BMP5: variants seen among roughly 807,000 people sequenced by gnomAD.
BMP5 encodes bone morphogenetic protein 5.
A neutral mutation model predicts 46.6 loss-of-function variants in BMP5; 23 were observed. The observed-to-expected ratio is 0.49, with a 90% CI of 0.35 to 0.70. The LOEUF (loss-of-function observed/expected upper bound fraction) is 0.70, where lower values mean the gene tolerates loss of function less well. Ranked by LOEUF, BMP5 falls within the 30% of genes least tolerant of loss-of-function variation. The pLI, the probability that BMP5 is intolerant of heterozygous loss-of-function variation, is 0.00. For synonymous variants in BMP5, 204 were observed against 191.9 expected (o/e 1.06, Z -0.52); for missense variants, 545 against 565.6 (o/e 0.96, Z 0.37).
intron 1 of BMP5, among the ~76,000 whole-genome samples, chr6:55,828,937 T>A (rs895674555): frequency 4.0e-5 from 6 of 151,838 alleles, no homozygotes; most frequent in Non-Finnish European, 7.4e-5. Flanking sequence ...AAACTATGAA[T>A]TTTTCTGCCA....
chr6:55,841,245 G>A (rs891955683), intron 1 of BMP5, among the ~76,000 whole-genome samples: 3 of 152,064 alleles, frequency 2.0e-5, no homozygotes. Context: ...AGATCATTAG[G>A]TTGATGTTGA....
intron 3 of BMP5, among the ~76,000 whole-genome samples, chr6:55,786,460 C>T (rs1022490395): frequency 7.9e-5 from 12 of 151,532 alleles, no homozygotes; most frequent in Admixed American, 7.2e-4. Flanking sequence ...AGGCCATTGG[C>T]TTCCATTATT....
At chr6:55,807,014 A>C (rs1434207269) in intron 2 of BMP5, among the ~76,000 whole-genome samples, 1 of 152,186 alleles carries the variant, frequency 6.6e-6, no homozygotes, top group Admixed American at 6.5e-5. Flanking sequence ...GCCATCTGCA[A>C]ACAGAGACAA....
intron 1 of BMP5, among the ~76,000 whole-genome samples, chr6:55,825,855 T>A (rs1357159360): frequency 6.6e-6 from 1 of 151,858 alleles, no homozygotes; most frequent in Non-Finnish European, 1.5e-5. Flanking sequence ...CAGCAGTAGC[T>A]GTAAGGCAAA....
At chr6:55,793,288 C>T (rs548185052) in intron 3 of BMP5, among the ~76,000 whole-genome samples, 2 of 152,276 alleles carry the variant, frequency 1.3e-5, no homozygotes, top group South Asian at 4.1e-4. Flanking sequence ...CCAACTTCTT[C>T]CCCTAATCAC....
At chr6:55,759,171 A>AAAAAAAAAAAAAAAAAAAAAAAAAAAC in intron 5 of BMP5, 56 bp from the exon 6 acceptor site, 2 of 829,904 alleles carry the variant, frequency 2.4e-6, no homozygotes, top group South Asian at 3.3e-5. Flanking sequence ...AAAAAAAAAA[A>AAAAAAAAAAAAAAAAAAAAAAAAAAAC]AAAAAAAAAA....
Position 55,759,069 on chromosome 6 carries a change from C to T in BMP5, c.1151G>A (p.Gly384Glu). ...GGCGTTAAGTGGAAAAGAACATTCTCCATCACAATAAAATGCAGCGTATCC... is the reference window on the plus strand; with the variant it reads ...GGCGTTAAGTGGAAAAGAACATTCTTCATCACAATAAAATGCAGCGTATCC... ...PEGYAAFYCDGECSFPLNAHM... is the reference protein window; with the variant it reads ...PEGYAAFYCDEECSFPLNAHM... Residue 384 changes from glycine (G) to glutamate (E), a missense_variant, in exon 6 of 7, where the codon GGA becomes GAA. Transcript: ENST00000370830. 2.0e-6 allele frequency: 3 copies of T among 1,467,474 alleles called. No individual in the cohort carries two copies. Among genetic ancestry groups the T allele is most frequent in the Non-Finnish European group, 1.8e-6 (2 of 1,093,872 alleles). The allele number at this position is 1,467,474 out of a possible 1,614,324, so 90.9% of individuals were successfully genotyped here.
At chr6:55,864,107 C>G (rs1156977816) in intron 1 of BMP5, among the ~76,000 whole-genome samples, 1 of 152,186 alleles carries the variant, frequency 6.6e-6, no homozygotes, top group East Asian at 1.9e-4. Context: ...AGAATGATAA[C>G]TTTTAATGTA....
intron 2 of BMP5, among the ~76,000 whole-genome samples, chr6:55,796,444 T>C (rs1056134318): frequency 6.6e-6 from 1 of 152,038 alleles, no homozygotes; most frequent in East Asian, 1.9e-4. Flanking sequence ...AAGGAGACAG[T>C]TCCAGTTTAA....
chr6:55,794,256 A>AT (rs1402814734), intron 3 of BMP5, 23 bp downstream of exon 3: 9 of 1,613,546 alleles, frequency 5.6e-6, no homozygotes, highest in Admixed American at 1.7e-5. Context: ...TTCACAAAAA[A>AT]ATATATAAAA....
intron 1 of BMP5, among the ~76,000 whole-genome samples, chr6:55,858,356 A>G (rs1373511058): frequency 6.6e-6 from 1 of 152,160 alleles, no homozygotes; most frequent in East Asian, 1.9e-4. Flanking sequence ...CATGACTGCT[A>G]TTTACAAATA....
At chr6:55,764,399 C>G (rs1321331142) in intron 4 of BMP5, among the ~76,000 whole-genome samples, 1 of 151,982 alleles carries the variant, frequency 6.6e-6, no homozygotes, top group African/African-American at 2.4e-5. Context: ...CGGTGAAACC[C>G]CGTCTCTACT....
intron 2 of BMP5, among the ~76,000 whole-genome samples, chr6:55,812,922 A>G (rs1776168727): frequency 6.6e-6 from 1 of 152,254 alleles, no homozygotes; most frequent in Admixed American, 6.5e-5. Context: ...TCAGAGAATT[A>G]AAGTCAAAGT....
At chr6:55,771,747 C>A (rs1258623531) in intron 4 of BMP5, among the ~76,000 whole-genome samples, 2 of 151,812 alleles carry the variant, frequency 1.3e-5, no homozygotes, top group Non-Finnish European at 2.9e-5. Flanking sequence ...TTGCAAAAAA[C>A]CCAGCAATCA....
intron 2 of BMP5, among the ~76,000 whole-genome samples, chr6:55,816,040 A>G (rs952175918): frequency 6.6e-6 from 1 of 152,132 alleles, no homozygotes. Flanking sequence ...GCAATTAAAT[A>G]CAATTAATAA....
At chr6:55,856,532 A>C (rs1391590411) in intron 1 of BMP5, among the ~76,000 whole-genome samples, 1 of 152,036 alleles carries the variant, frequency 6.6e-6, no homozygotes, top group Admixed American at 6.6e-5. Flanking sequence ...TCATTGACGC[A>C]CTTGGTTTTC....
In BMP5 at chr6:55,819,664, T is replaced by A; in HGVS notation, c.674A>T (p.Tyr225Phe). Residue 225 changes from tyrosine (Y) to phenylalanine (F), a missense_variant, in exon 2 of 7, where the codon TAC becomes TTC. By Grantham distance (22) the Tyr-to-Phe change is conservative. Coordinates refer to ENST00000370830, the MANE Select transcript of BMP5 (RefSeq NM_021073.4). The part of the protein sequence containing the change: ...KISIYQIIKE[Y>F]TNRDADLFLL... Reference sequence around the variant, plus strand: ...AATAAAAAGATTATACCTATTTGTGTATTCCTTGATGATTTGATATATGCT... The same window carrying A: ...AATAAAAAGATTATACCTATTTGTGAATTCCTTGATGATTTGATATATGCT... 1 of 1,609,590 alleles carries A rather than the reference T, an allele frequency of 6.2e-7. No individual in the cohort carries two copies. The highest frequency in any genetic ancestry group is 8.5e-7 in the Non-Finnish European group (1 of 1,176,170).
At chr6:55,802,168 C>T (rs1372596325) in intron 2 of BMP5, among the ~76,000 whole-genome samples, 1 of 152,210 alleles carries the variant, frequency 6.6e-6, no homozygotes, top group African/African-American at 2.4e-5. Flanking sequence ...ACTCCCAAGA[C>T]ATTGGGCTAT....
chr6:55,837,113 G>A (rs1447833426), intron 1 of BMP5, among the ~76,000 whole-genome samples: 5 of 150,982 alleles, frequency 3.3e-5, no homozygotes, highest in African/African-American at 7.3e-5. Context: ...GTGCAGTGGC[G>A]CGATCACTGC....
Sources: allele counts gnomAD v4.1 joint callset (sites outside exome capture counted in the v4.1 genomes callset), GRCh38; gene constraint gnomAD v4.1.1; transcripts MANE v1.5; gene names NCBI Gene and HGNC (gene_info 2026-07-23, HGNC 2026-07-21).